Variants in TDG observed in about 807,000 individuals in gnomAD.
TDG encodes the protein G/T mismatch-specific thymine DNA glycosylase.
In TDG, 23 loss-of-function variants were observed where a neutral mutation model predicts 46.1. That is an observed-to-expected ratio of 0.50 (90% CI 0.36 to 0.71). The LOEUF (loss-of-function observed/expected upper bound fraction) is 0.71. Among genes scored for constraint, TDG ranks in the 30% least tolerant of loss-of-function variants. The pLI, the probability that TDG is intolerant of heterozygous loss-of-function variation, is 0.00. For missense variants in TDG, 304 were observed against 486.7 expected (o/e 0.62, Z 3.53); for synonymous variants, 115 against 161.3 (o/e 0.71, Z 2.18).
intron 1 of TDG, among the ~76,000 whole-genome samples, chr12:103,969,617 G>GA (rs1871204856): frequency 6.6e-6 from 1 of 152,210 alleles, no homozygotes. Flanking sequence ...CTGGAATGGT[G>GA]AATCATCTTT....
chr12:103,970,473 CT>C (rs1343408446), intron 1 of TDG, among the ~76,000 whole-genome samples: 1 of 150,606 alleles, frequency 6.6e-6, no homozygotes, highest in African/African-American at 2.4e-5. Flanking sequence ...CAGACCCTGT[CT>C]CTTAAAAAAG....
intron 1 of TDG, among the ~76,000 whole-genome samples, chr12:103,972,039 A>G (rs1026194004): frequency 5.3e-5 from 8 of 152,228 alleles, no homozygotes; most frequent in African/African-American, 1.9e-4. Context: ...TATTTAAGAA[A>G]TATCCTCACA....
At chr12:103,979,558 T>C (rs1056721822) in intron 2 of TDG, among the ~76,000 whole-genome samples, 10 of 152,198 alleles carry the variant, frequency 6.6e-5, no homozygotes, top group African/African-American at 2.4e-4. Context: ...GAGGTTAAGA[T>C]GCCAAGTAAT....
intron 2 of TDG, among the ~76,000 whole-genome samples, chr12:103,977,465 A>G (rs1466603091): frequency 6.6e-6 from 1 of 152,176 alleles, no homozygotes; most frequent in Non-Finnish European, 1.5e-5. Flanking sequence ...AGATCAGAGT[A>G]GGGACATGTC....
At chr12:103,982,425 C>T (rs1032095660) in intron 4 of TDG, among the ~76,000 whole-genome samples, 9 of 152,236 alleles carry the variant, frequency 5.9e-5, no homozygotes, top group African/African-American at 2.2e-4. Flanking sequence ...AGGCATTTGC[C>T]TCAACCCCCT....
At chr12:103,968,938 G>C (rs1871177080) in intron 1 of TDG, among the ~76,000 whole-genome samples, 1 of 152,190 alleles carries the variant, frequency 6.6e-6, no homozygotes, top group South Asian at 2.1e-4. Context: ...AGACCAGCCT[G>C]GCCAATATGG....
At position 103,987,201 on chromosome 12, in the gene TDG, G is replaced by A. The variant is rs1406914016; in HGVS notation, c.*111G>A. The A allele has an allele frequency of 2.7e-6, 4 of 1,463,258 alleles. No individual in the cohort carries two copies. The Admixed American group carries it at 7.5e-5, about 27-fold the overall frequency. The allele number at this position is 1,463,258 out of a possible 1,614,324, so 90.6% of individuals were successfully genotyped here. A position where few individuals can be genotyped will look rare whatever the true frequency, so the allele number is the denominator to read the frequency against. On this transcript the variant is annotated 3_prime_UTR_variant, in exon 10 of 10. Coordinates refer to ENST00000392872, the MANE Select transcript of TDG (RefSeq NM_003211.6). Reference sequence around the variant, plus strand: ...TTTATTAGTATTTTACTCTAGTGGTGTAATTGTAATGTAGAACAGTTGTGT... The same window carrying A: ...TTTATTAGTATTTTACTCTAGTGGTATAATTGTAATGTAGAACAGTTGTGT...
At chr12:103,974,103 T>G (rs1871399974) in intron 1 of TDG, among the ~76,000 whole-genome samples, 2 of 152,180 alleles carry the variant, frequency 1.3e-5, no homozygotes, top group Admixed American at 1.3e-4. Context: ...CTGCCAACAT[T>G]TAGCCCAGCC....
intron 1 of TDG, among the ~76,000 whole-genome samples, chr12:103,976,194 C>T (rs555129503): frequency 6.6e-6 from 1 of 152,196 alleles, no homozygotes; most frequent in South Asian, 2.1e-4. Context: ...CTCTTGAGCT[C>T]AGAAGTTCAA....
chr12:103,985,139 ATATG>A (rs1327435162), intron 8 of TDG, among the ~76,000 whole-genome samples: 2 of 109,254 alleles, frequency 1.8e-5, no homozygotes, highest in African/African-American at 3.4e-5. Flanking sequence ...GTGCGTATAC[ATATG>A]TGTGTGTCTA....
rs4135098 is a variant in TDG at position 103,981,053 on chromosome 12, GAA to G, written c.478+93_478+94del. The G allele has an allele frequency of 1.7e-3, 1,886 of 1,112,716 alleles. 16 individuals are homozygous for G. The African/African-American group carries it at 0.026, about 15-fold the overall frequency. The allele number at this position is 1,112,716 out of a possible 1,614,324, so 68.9% of individuals were successfully genotyped here. ...GAAAAACCAATTGTGTTTTTAAAAA[GAA>G]AGAGACTGTAAATACACATTCGTGT... On this transcript the variant is annotated intron_variant, in intron 4 of 9. Coordinates refer to ENST00000392872, the MANE Select transcript of TDG (RefSeq NM_003211.6).
In TDG at chr12:103,983,383, A is replaced by G. The variant is rs1424400461; in HGVS notation, c.786A>G (p.Thr262=). 1.3e-6 allele frequency: 2 copies of G among 1,571,840 alleles called. No individual in the cohort carries two copies. Among genetic ancestry groups the G allele is most frequent in the Non-Finnish European group, 1.7e-6 (2 of 1,167,560 alleles). ...TTCAGCCCCATAAGATTCCAGACAC[A>G]GAAACTGTAAGTCCCTAAAATTGAA... ...FGLQPHKIPD[T]ETLCYVMPSS... The change falls in exon 7 of 10, where the codon ACA becomes ACG. Residue 262 remains threonine (T), a synonymous_variant. Transcript: ENST00000392872.
Position 103,987,116 on chromosome 12 carries a change from A to C in TDG, c.*26A>C, listed in dbSNP as rs199910760. The C allele has an allele frequency of 1.1e-4, 184 of 1,607,396 alleles. No individual in the cohort carries two copies. In the Middle Eastern group the frequency reaches 2.2e-3, roughly 19 times the overall value. Reference sequence around the variant, plus strand: ...GAATGGTGCTTCTCAGCTCTGCTTAAATGCTGCAGTTTTAATGCAGTTGTC... The same window carrying C: ...GAATGGTGCTTCTCAGCTCTGCTTACATGCTGCAGTTTTAATGCAGTTGTC... On this transcript the variant is annotated 3_prime_UTR_variant, in exon 10 of 10. Coordinates refer to ENST00000392872, the MANE Select transcript of TDG (RefSeq NM_003211.6).
At chr12:103,984,614 TATTG>T in intron 7 of TDG, 131 bp from the exon 8 acceptor site, 2 of 627,524 alleles carry the variant, frequency 3.2e-6, no homozygotes, top group Non-Finnish European at 4.5e-6. Context: ...CAACTACTTT[TATTG>T]ATTTTTACAT....
chr12:103,982,493 G>A (rs1186437571), intron 4 of TDG, among the ~76,000 whole-genome samples: 3 of 152,104 alleles, frequency 2.0e-5, no homozygotes, highest in East Asian at 1.9e-4. Context: ...AAATCCAAGC[G>A]CTGTGGCTCA....
intron 9 of TDG, chr12:103,986,358 A>T (rs1872157170): frequency 6.6e-6 from 1 of 152,238 alleles, no homozygotes; most frequent in Non-Finnish European, 1.5e-5. Flanking sequence ...TATTTTAATA[A>T]TAATTCTCCT....
Position 103,988,353 on chromosome 12 carries a change from T to C in TDG, c.*1263T>C, listed in dbSNP as rs1373244520. ...GAGGTTATATGATTGCTCTTCTCTT[T>C]ATAATAAGAGAAACAAATTCTTATT... On this transcript the variant is annotated 3_prime_UTR_variant, in exon 10 of 10. Coordinates refer to ENST00000392872, the MANE Select transcript of TDG (RefSeq NM_003211.6). 6.5e-6 allele frequency: 1 copy of C among 152,714 alleles called. No homozygotes were observed. Among genetic ancestry groups the C allele is most frequent in the Non-Finnish European group, 1.5e-5 (1 of 68,048 alleles). 9.5% of individuals were successfully genotyped at this position (152,714 alleles called of 1,614,324 possible).
rs775977774 is a variant in TDG at position 103,980,089 on chromosome 12, C to T, written c.408+17C>T. ...ATTGTCATTGTAAGATCTTTGTCCT[C>T]GTTGGATTTTATAAGTAGTATTGGG... On this transcript the variant is annotated intron_variant, in intron 3 of 9. Coordinates refer to ENST00000392872, the MANE Select transcript of TDG (RefSeq NM_003211.6). The T allele has an allele frequency of 1.6e-5, 25 of 1,610,930 alleles. No individual in the cohort carries two copies. Among genetic ancestry groups the T allele is most frequent in the Admixed American group, 6.7e-5 (4 of 59,400 alleles).
At chr12:103,968,214 A>G (rs1216915560) in intron 1 of TDG, among the ~76,000 whole-genome samples, 1 of 152,200 alleles carries the variant, frequency 6.6e-6, no homozygotes, top group Non-Finnish European at 1.5e-5. Context: ...GGAATTTTCT[A>G]AGGGTACTGG....
Sources: allele counts gnomAD v4.1 joint callset (sites outside exome capture counted in the v4.1 genomes callset), GRCh38; gene constraint gnomAD v4.1.1; transcripts MANE v1.5; gene names NCBI Gene and HGNC (gene_info 2026-07-23, HGNC 2026-07-21).